The following PRR13 variants were observed in gnomAD, a reference collection of about 807,000 sequenced individuals.
PRR13 encodes the protein proline-rich protein 13.
A neutral mutation model predicts 11.5 loss-of-function variants in PRR13; 7 were observed. That is an observed-to-expected ratio of 0.61 (90% confidence interval 0.34 to 1.14). PRR13 has a LOEUF of 1.14. Among genes scored for constraint, PRR13 ranks in the 50% most tolerant of loss-of-function variants. The pLI is 0.03. For missense variants in PRR13, 155 were observed against 194.4 expected, an observed-to-expected ratio of 0.80 and a Z score of 1.21; for synonymous variants, 53 against 67.8, an observed-to-expected ratio of 0.78 and a Z score of 1.07.
Position 53,442,037 on chromosome 12 carries a change from T to G in PRR13, c.-21+245T>G, listed in dbSNP as rs1592616418. The stretch of plus-strand genomic sequence containing the variant: ...GAGAGAGAAAGTTGTTTGAGATCCT[T>G]TCTTACTCTGTGCGTGGTTAAAGGC... On this transcript the variant is annotated intron_variant, in intron 1 of 3. Transcript: ENST00000429243. The G allele has an allele frequency of 4.3e-5, 25 of 576,950 alleles. No individual in the cohort carries two copies. The East Asian group carries it at 7.0e-4, about 16-fold the overall frequency. 35.7% of individuals were successfully genotyped at this position (576,950 alleles called of 1,614,324 possible). A position where few individuals can be genotyped will look rare whatever the true frequency, so the allele number is the denominator to read the frequency against.
At chr12:53,442,648 C>T (rs1940315758) in intron 1 of PRR13, 47 bp from the exon 2 acceptor site, 1 of 1,531,580 alleles carries the variant, frequency 6.5e-7, no homozygotes, top group Non-Finnish European at 9.0e-7. Flanking sequence ...AAGTCCACTT[C>T]CTACCTCTAG....
At chr12:53,444,560 A>G (rs369221882) in intron 3 of PRR13, among the ~76,000 whole-genome samples, 112 of 152,222 alleles carry the variant, frequency 7.4e-4, no homozygotes, top group African/African-American at 2.1e-3. Flanking sequence ...CGATCTCCTG[A>G]CCTTGTGATC....
At chr12:53,445,078 G>A (rs1021040989) in intron 3 of PRR13, among the ~76,000 whole-genome samples, 1 of 152,108 alleles carries the variant, frequency 6.6e-6, no homozygotes, top group African/African-American at 2.4e-5. Flanking sequence ...AAGGCTGTGC[G>A]CCGTGGTCCA....
chr12:53,444,031 C>A (rs1231315493), intron 3 of PRR13: 5 of 519,194 alleles, frequency 9.6e-6, no homozygotes, highest in Non-Finnish European at 1.7e-5. Context: ...AAAGCCAAAT[C>A]TTTTCTGCCC....
At chr12:53,442,108 C>G in intron 1 of PRR13, 1 of 432,568 alleles carries the variant, frequency 2.3e-6, no homozygotes, top group Non-Finnish European at 4.1e-6. Flanking sequence ...ATGGTGGGGC[C>G]GAGACTCGCG....
rs576541534 is a variant in PRR13 at position 53,443,402 on chromosome 12, C to G, written c.31C>G (p.Pro11Ala). ...GCTTCTTCCACCAGGGCAGCCAGGG[C>G]CAAATCCATATCCCCCCAATATTGG... MWNPNAGQPG[P>A]NPYPPNIGCP... Residue 11 changes from proline to alanine, a missense_variant, in exon 3 of 4, where the codon CCA becomes GCA. Physicochemically the swap from Pro to Ala is conservative, Grantham distance 27. Coordinates refer to ENST00000429243, the MANE Select transcript of PRR13 (RefSeq NM_018457.4). The G allele has an allele frequency of 7.1e-7, 1 of 1,407,552 alleles. No homozygotes were observed. Among genetic ancestry groups the G allele is most frequent in the Non-Finnish European group, 9.3e-7 (1 of 1,073,286 alleles). 87.2% of individuals were successfully genotyped at this position (1,407,552 alleles called of 1,614,324 possible). A position where few individuals can be genotyped will look rare whatever the true frequency, so the allele number is the denominator to read the frequency against.
chr12:53,441,893 T>G, intron 1 of PRR13, 101 bp downstream of exon 1: 1 of 694,168 alleles, frequency 1.4e-6, no homozygotes. Flanking sequence ...CCTTTTTTCT[T>G]TTTTGGAGGA....
intron 2 of PRR13, 140 bp from the exon 3 acceptor site, chr12:53,443,251 G>A: frequency 1.1e-6 from 1 of 910,494 alleles, no homozygotes; most frequent in Non-Finnish European, 1.5e-6. Context: ...ACTCAAGTTT[G>A]TCTCCCCTAC....
Position 53,444,399 on chromosome 12 carries a change from G to A in PRR13, c.402+626G>A, listed in dbSNP as rs368949812. Reference sequence around the variant, plus strand: ...GGCCAGATTGCAGTGGCACAATCTCGGCTCACTGCAAGCTCCGCCTCCCAG... The same window carrying A: ...GGCCAGATTGCAGTGGCACAATCTCAGCTCACTGCAAGCTCCGCCTCCCAG... On this transcript the variant is annotated intron_variant, in intron 3 of 3. Coordinates refer to ENST00000429243, the MANE Select transcript of PRR13 (RefSeq NM_018457.4). Among the ~76,000 whole-genome samples, 15 of 149,238 alleles carry A rather than the reference G, an allele frequency of 1.0e-4. No individual in the cohort carries two copies. In the East Asian group the frequency reaches 2.6e-3, roughly 26 times the overall value.
At chr12:53,443,840 TG>T (rs1486873836) in intron 3 of PRR13, 67 bp downstream of exon 3, 1 of 1,513,536 alleles carries the variant, frequency 6.6e-7, no homozygotes, top group Non-Finnish European at 8.9e-7. Flanking sequence ...AGGCAGGGGT[TG>T]GGTGAGGGGG....
chr12:53,441,832 C>T (rs141455397), intron 1 of PRR13, 40 bp downstream of exon 1: 2 of 702,218 alleles, frequency 2.8e-6, no homozygotes, highest in African/African-American at 1.7e-5. Flanking sequence ...TTCCTTTTCC[C>T]CTTGCTAGGT....
At chr12:53,444,124 C>T (rs1940353205) in intron 3 of PRR13, 3 of 403,820 alleles carry the variant, frequency 7.4e-6, no homozygotes, top group Admixed American at 4.0e-5. Flanking sequence ...GTCAAAATAC[C>T]AAAGTCATTC....
At chr12:53,442,620 G>A (rs1408700620) in intron 1 of PRR13, 75 bp from the exon 2 acceptor site, 2 of 1,314,936 alleles carry the variant, frequency 1.5e-6, no homozygotes, top group Non-Finnish European at 2.2e-6. Context: ...GAAGACGTTA[G>A]GGCTGGGCTC....
rs1940400102 is a variant in PRR13, at chr12:53,446,297, C to T, written c.*238C>T. Reference sequence around the variant, plus strand: ...ATAGCTAATGAATTAGGCAGGGGAGCTATTTTTTGAAGATGATGAACTAAA... The same window carrying T: ...ATAGCTAATGAATTAGGCAGGGGAGTTATTTTTTGAAGATGATGAACTAAA... On this transcript the variant is annotated 3_prime_UTR_variant, in exon 4 of 4. Coordinates refer to ENST00000429243, the MANE Select transcript of PRR13 (RefSeq NM_018457.4). The T allele has an allele frequency of 2.0e-6, 1 of 501,114 alleles. No homozygotes were observed. Among genetic ancestry groups the T allele is most frequent in the African/African-American group, 2.0e-5 (1 of 50,586 alleles). 31.0% of individuals were successfully genotyped at this position (501,114 alleles called of 1,614,324 possible).
chr12:53,445,319 G>T (rs949922030), intron 3 of PRR13, among the ~76,000 whole-genome samples: 2 of 145,268 alleles, frequency 1.4e-5, no homozygotes, highest in Admixed American at 7.1e-5. Flanking sequence ...TTGCACTCCA[G>T]CCTGGGCAAC....
Position 53,446,006 on chromosome 12 carries a change from C to T in PRR13, c.403-9C>T. 6.2e-7 allele frequency: 1 copy of T among 1,613,500 alleles called. No homozygotes were observed. ...TATCTTCTTTCCCCTTTCCCCTTTC[C>T]CCTTGCAGCATTCCTCCTCTTCCTC... On this transcript the variant is annotated splice_polypyrimidine_tract_variant and intron_variant, in intron 3 of 3. Transcript: ENST00000429243.
At chr12:53,443,017 C>G (rs1028356676) in intron 2 of PRR13, 1 of 385,306 alleles carries the variant, frequency 2.6e-6, no homozygotes. Context: ...CTATCACGCC[C>G]GGCTACTTTT....
At chr12:53,444,619 GCA>G (rs1940366600) in intron 3 of PRR13, among the ~76,000 whole-genome samples, 4 of 152,236 alleles carry the variant, frequency 2.6e-5, no homozygotes, top group Non-Finnish European at 5.9e-5. Context: ...GTGAGCCACT[GCA>G]CCCAGCCCTA....
In PRR13 at chr12:53,446,439, T is replaced by C. The variant is rs1204970660; in HGVS notation, c.*380T>C. The C allele has an allele frequency of 2.7e-5, 5 of 186,676 alleles. No homozygotes were observed. The highest frequency in any genetic ancestry group is 1.5e-4 in the East Asian group (1 of 6,794). The allele number at this position is 186,676 out of a possible 1,614,324, so 11.6% of individuals were successfully genotyped here. A position where few individuals can be genotyped will look rare whatever the true frequency, so the allele number is the denominator to read the frequency against. On this transcript the variant is annotated 3_prime_UTR_variant, in exon 4 of 4. Coordinates refer to ENST00000429243, the MANE Select transcript of PRR13 (RefSeq NM_018457.4). ...GATGAAAAACCTATCTTTTTTGTAA[T>C]GTTGGCATACTTGGGGAATTTAGTG...
Sources: allele counts gnomAD v4.1 joint callset (sites outside exome capture counted in the v4.1 genomes callset), GRCh38; gene constraint gnomAD v4.1.1; transcripts MANE v1.5; gene names NCBI Gene and HGNC (gene_info 2026-07-23, HGNC 2026-07-21).